The following SCNN1B variants were observed in gnomAD, a reference collection of about 807,000 sequenced individuals.
SCNN1B encodes epithelial sodium channel subunit beta.
SCNN1B carries 46 observed loss-of-function variants against 65.3 expected under a neutral mutation model. The observed-to-expected ratio is 0.70, with a 90% confidence interval of 0.56 to 0.90. SCNN1B has a LOEUF of 0.90. Ranked by LOEUF, SCNN1B falls within the 40% of genes least tolerant of loss-of-function variation. The probability of loss-of-function intolerance (pLI) is 0.00; values close to 1 mark genes in which losing one functional copy is unlikely to be tolerated. For missense variants in SCNN1B, 751 were observed against 830.5 expected (o/e 0.90, Z 1.18); for synonymous variants, 349 against 330.6 (o/e 1.06, Z -0.60).
chr16:23,358,495 A>G (rs1339625019), intron 4 of SCNN1B: 1 of 152,210 alleles, frequency 6.6e-6, no homozygotes, highest in Non-Finnish European at 1.5e-5. Flanking sequence ...GGAGAGAACA[A>G]TACCTACCCT....
chr16:23,309,595 G>A (rs73542352), intron 1 of SCNN1B, among the ~76,000 whole-genome samples: 9,241 of 152,224 alleles, frequency 0.061, 961 homozygotes, highest in African/African-American at 0.21. Context: ...GAAGGGTCCA[G>A]CATGGGAGAA....
intron 1 of SCNN1B, among the ~76,000 whole-genome samples, chr16:23,337,201 G>A (rs1961959995): frequency 6.6e-6 from 1 of 151,882 alleles, no homozygotes; most frequent in South Asian, 2.1e-4. Flanking sequence ...ACAGGCACAT[G>A]CCACCACATT....
intron 1 of SCNN1B, among the ~76,000 whole-genome samples, chr16:23,337,374 C>CTTTTTT: frequency 7.5e-6 from 1 of 134,102 alleles, no homozygotes; most frequent in East Asian, 2.2e-4. Context: ...CTCTTTCTTT[C>CTTTTTT]TTTTTTTTTT....
Position 23,348,043 on chromosome 16 carries a change from G to T in SCNN1B, c.-8-549G>T, listed in dbSNP as rs1218928835. Among the ~76,000 whole-genome samples the T allele has an allele frequency of 6.6e-6, 1 of 152,178 alleles. No homozygotes were observed. The highest frequency in any genetic ancestry group is 6.5e-5 in the Admixed American group (1 of 15,282). ...ACAGGCGGGAACCCACCCTACACAG[G>T]ACACATTCCATTGCAGAGCACTCAC... On this transcript the variant is annotated intron_variant, in intron 1 of 12. Coordinates refer to ENST00000343070, the MANE Select transcript of SCNN1B (RefSeq NM_000336.3). The surrounding 1 kb of genome is among the most constrained non-coding windows in gnomAD (Gnocchi z 4.5).
chr16:23,296,725 G>C (rs1267640965), intron 2 of SCNN1B, among the ~76,000 whole-genome samples: 3 of 152,184 alleles, frequency 2.0e-5, no homozygotes, highest in Non-Finnish European at 4.4e-5. Context: ...TCAGAGGACG[G>C]GCGCAGTGCC....
intron 2 of SCNN1B, among the ~76,000 whole-genome samples, chr16:23,351,474 G>A (rs1036064566): frequency 3.3e-5 from 5 of 152,106 alleles, no homozygotes; most frequent in South Asian, 2.1e-4. Context: ...CTGCACAGAC[G>A]CCACCCTTCC....
chr16:23,348,410 G>A lies in SCNN1B; in HGVS notation c.-8-182G>A, dbSNP rs1962231830. On this transcript the variant is annotated intron_variant, in intron 1 of 12. Transcript: ENST00000343070. This position sits in a 1 kb window ranked among gnomAD's most constrained non-coding sequence, Gnocchi z 4.5. Reference sequence around the variant, plus strand: ...TTTTGGTTGATTAGATGGATGGATGGATTGATGACAGATAGCCAAAGGAAG... The same window carrying A: ...TTTTGGTTGATTAGATGGATGGATGAATTGATGACAGATAGCCAAAGGAAG... 2.1e-5 allele frequency among the ~76,000 whole-genome samples: 3 copies of A among 140,872 alleles called. No homozygotes were observed. In the South Asian group the frequency reaches 6.8e-4, roughly 32 times the overall value. The allele number at this position is 140,872 out of a possible 152,430, so 92.4% of individuals were successfully genotyped here. A position where few individuals can be genotyped will look rare whatever the true frequency, so the allele number is the denominator to read the frequency against.
In SCNN1B at chr16:23,380,186, C is replaced by T. The variant is rs56097713; in HGVS notation, c.1542+17C>T. 4.1e-5 allele frequency: 66 copies of T among 1,606,102 alleles called. No homozygotes were observed. The highest frequency in any genetic ancestry group is 5.3e-5 in the Non-Finnish European group (62 of 1,172,900). Reference sequence around the variant, plus strand: ...GCCAATAACGTGAGTTTAGGAGTCTCCCAATACCCCAGCCCTGCCCTGCCC... The same window carrying T: ...GCCAATAACGTGAGTTTAGGAGTCTTCCAATACCCCAGCCCTGCCCTGCCC... On this transcript the variant is annotated intron_variant, in intron 12 of 12. Coordinates refer to ENST00000343070, the MANE Select transcript of SCNN1B (RefSeq NM_000336.3). This position sits in a 1 kb window ranked among gnomAD's most constrained non-coding sequence, Gnocchi z 5.4.
chr16:23,359,104 G>A (rs1962480482), intron 4 of SCNN1B: 1 of 151,986 alleles, frequency 6.6e-6, no homozygotes, highest in Non-Finnish European at 1.5e-5. Context: ...ATTTTTTTAA[G>A]AGACAGGGTA....
intron 1 of SCNN1B, among the ~76,000 whole-genome samples, chr16:23,330,082 C>G (rs576342788): frequency 6.6e-6 from 1 of 152,172 alleles, no homozygotes; most frequent in Admixed American, 6.5e-5. Flanking sequence ...TATGGCCCAG[C>G]TCAGCAAAAC....
chr16:23,377,269 G>A lies in SCNN1B; in HGVS notation c.1346+29G>A, dbSNP rs377068678. Reference sequence around the variant, plus strand: ...AGTGCGGGTGGGCGGGCACAGCAGCGGGCAGGCATGGAGGGGCATCACTGG... The same window carrying A: ...AGTGCGGGTGGGCGGGCACAGCAGCAGGCAGGCATGGAGGGGCATCACTGG... On this transcript the variant is annotated intron_variant, in intron 9 of 12. Transcript: ENST00000343070. 5.1e-5 allele frequency: 82 copies of A among 1,613,954 alleles called. No homozygotes were observed. In the Middle Eastern group the frequency reaches 8.2e-4, roughly 16 times the overall value.
chr16:23,353,710 A>C (rs1056316206), intron 3 of SCNN1B, among the ~76,000 whole-genome samples: 1 of 152,216 alleles, frequency 6.6e-6, no homozygotes, highest in African/African-American at 2.4e-5. Context: ...GGAGGAACTA[A>C]GTCTTGTTAT....
At chr16:23,321,580 A>G (rs1738253466) in intron 1 of SCNN1B, among the ~76,000 whole-genome samples, 3 of 152,204 alleles carry the variant, frequency 2.0e-5, no homozygotes, top group Non-Finnish European at 4.4e-5. Context: ...GCTCTCCAGC[A>G]GAGTGACCTT....
chr16:23,312,023 A>G (rs906788428), intron 1 of SCNN1B, among the ~76,000 whole-genome samples: 2 of 151,552 alleles, frequency 1.3e-5, no homozygotes, highest in South Asian at 4.2e-4. Context: ...GGCCTTCATT[A>G]CCCCACTACA....
intron 11 of SCNN1B, among the ~76,000 whole-genome samples, chr16:23,379,855 T>C (rs1409766003): frequency 1.3e-5 from 2 of 152,220 alleles, no homozygotes; most frequent in African/African-American, 4.8e-5. Context: ...AGTTCTCGTT[T>C]GGACCTCCCC....
At chr16:23,292,078 C>T (rs1373399342) in intron 2 of SCNN1B, among the ~76,000 whole-genome samples, 5 of 152,026 alleles carry the variant, frequency 3.3e-5, no homozygotes, top group Non-Finnish European at 7.4e-5. Context: ...AATCTGGGCA[C>T]CTCCACGGCT....
chr16:23,356,867 C>CG (rs1286919203), intron 4 of SCNN1B, among the ~76,000 whole-genome samples: 2 of 152,072 alleles, frequency 1.3e-5, no homozygotes, highest in Non-Finnish European at 2.9e-5. Context: ...CAACCAGAAA[C>CG]GGGGGGAATC....
At chr16:23,370,109 T>G (rs1413556701) in intron 5 of SCNN1B, among the ~76,000 whole-genome samples, 1 of 151,816 alleles carries the variant, frequency 6.6e-6, no homozygotes, top group East Asian at 1.9e-4. Context: ...TTTTGTATTT[T>G]TTTTTCTCTA....
chr16:23,297,092 C>A (rs544464406), intron 2 of SCNN1B, among the ~76,000 whole-genome samples: 1 of 152,090 alleles, frequency 6.6e-6, no homozygotes. Flanking sequence ...AGAGACCCAG[C>A]GCCTGGGGGC....
Sources: allele counts gnomAD v4.1 joint callset (sites outside exome capture counted in the v4.1 genomes callset), GRCh38; gene constraint gnomAD v4.1.1; non-coding constraint Gnocchi (gnomAD v3.1); transcripts MANE v1.5; gene names NCBI Gene and HGNC (gene_info 2026-07-23, HGNC 2026-07-21).